RALGAPA2: variants seen among roughly 807,000 people sequenced by gnomAD.
The protein encoded by RALGAPA2 is Ral GTPase activating protein catalytic subunit alpha 2.
A neutral mutation model predicts 230.4 loss-of-function variants in RALGAPA2; 139 were observed. That is an observed-to-expected ratio of 0.60 (90% confidence interval 0.53 to 0.69). RALGAPA2 has a LOEUF of 0.69. Among genes scored for constraint, RALGAPA2 ranks in the 30% least tolerant of loss-of-function variants. The pLI is 0.00. For missense variants in RALGAPA2, 2,163 were observed against 2,276.0 expected (o/e 0.95, Z 1.01); for synonymous variants, 847 against 837.8 (o/e 1.01, Z -0.19).
chr20:20,535,310 C>T (rs1197086998), intron 26 of RALGAPA2, among the ~76,000 whole-genome samples: 1 of 152,172 alleles, frequency 6.6e-6, no homozygotes, highest in Non-Finnish European at 1.5e-5. Flanking sequence ...TCATAGGTTG[C>T]TAGCAACCTC....
At chr20:20,630,146 T>C (rs1215123803) in intron 9 of RALGAPA2, among the ~76,000 whole-genome samples, 1 of 152,158 alleles carries the variant, frequency 6.6e-6, no homozygotes, top group Non-Finnish European at 1.5e-5. Flanking sequence ...AAATAAATAT[T>C]CACAAAATTT....
chr20:20,575,651 C>G (rs761143325), intron 20 of RALGAPA2, among the ~76,000 whole-genome samples: 8 of 150,974 alleles, frequency 5.3e-5, no homozygotes, highest in Non-Finnish European at 7.5e-5. Context: ...CCCATCATCA[C>G]CTCCTACTTT....
At chr20:20,426,837 C>T (rs1461921882) in intron 37 of RALGAPA2, among the ~76,000 whole-genome samples, 26 of 152,354 alleles carry the variant, frequency 1.7e-4, no homozygotes, top group Non-Finnish European at 1.5e-4. Context: ...GATGCTGCAT[C>T]AACCAAAGAT....
chr20:20,670,702 C>A (rs1343740522), intron 3 of RALGAPA2, among the ~76,000 whole-genome samples: 2 of 151,144 alleles, frequency 1.3e-5, no homozygotes, highest in Admixed American at 1.3e-4. Flanking sequence ...AATCCCAGCA[C>A]TTTGTGAGGC....
rs972590005 is a variant in RALGAPA2 at position 20,584,762 on chromosome 20, A to G, written c.2530+103T>C. The G allele has an allele frequency of 1.1e-5, 10 of 931,508 alleles. No individual in the cohort carries two copies. The Admixed American group carries it at 1.5e-4, about 14-fold the overall frequency. The allele number at this position is 931,508 out of a possible 1,614,324, so 57.7% of individuals were successfully genotyped here. A position where few individuals can be genotyped will look rare whatever the true frequency, so the allele number is the denominator to read the frequency against. On this transcript the variant is annotated intron_variant, in intron 19 of 39. Transcript: ENST00000202677. ...TGCCAGAGCACTCCAGCCTGGGCGA[A>G]AGAGTGAGACTGAGTCTCTAATAAT...
At chr20:20,447,949 T>C (rs570291717) in intron 37 of RALGAPA2, among the ~76,000 whole-genome samples, 14 of 152,320 alleles carry the variant, frequency 9.2e-5, no homozygotes, top group African/African-American at 3.1e-4. Context: ...TCTGCCTTCC[T>C]TGTGCTCCAA....
chr20:20,524,429 G>C lies in RALGAPA2; in HGVS notation c.3877C>G (p.Pro1293Ala). The stretch of plus-strand genomic sequence containing the variant: ...ACCCTGTAGATATAATCCAGCAAGG[G>C]GGCTCTGGCCGAATGCTGCTCCTCT... ...VLEEQHSARAPLLDYIYRVLH... is the reference protein window; with the variant it reads ...VLEEQHSARAALLDYIYRVLH... The change falls in exon 30 of 40, where the codon CCC becomes GCC. Residue 1293 changes from proline to alanine, a missense_variant. Pro to Ala is a conservative substitution (Grantham distance 27). Coordinates refer to ENST00000202677, the MANE Select transcript of RALGAPA2 (RefSeq NM_020343.4). 1 of 1,613,828 alleles carries C rather than the reference G, an allele frequency of 6.2e-7. No homozygotes were observed.
chr20:20,583,201 A>C lies in RALGAPA2; in HGVS notation c.2556T>G (p.Thr852=). 6.2e-7 allele frequency: 1 copy of C among 1,610,356 alleles called. No individual in the cohort carries two copies. Among genetic ancestry groups the C allele is most frequent in the East Asian group, 2.2e-5 (1 of 44,836 alleles). Residue 852 remains threonine (T), a synonymous_variant, in exon 20 of 40, where the codon ACT becomes ACG. Coordinates refer to ENST00000202677, the MANE Select transcript of RALGAPA2 (RefSeq NM_020343.4). ...QKSESTNSDT[T]LGCTNEAELS... is the part of the protein sequence containing the mutation. ...GCTCTGCCTCATTGGTACAGCCCAGAGTTGTGTCACTGTTGGTACTTTCAC... is the reference window on the plus strand; with the variant it reads ...GCTCTGCCTCATTGGTACAGCCCAGCGTTGTGTCACTGTTGGTACTTTCAC...
intron 20 of RALGAPA2, among the ~76,000 whole-genome samples, chr20:20,575,546 T>C (rs1404590033): frequency 2.6e-5 from 4 of 151,882 alleles, no homozygotes; most frequent in African/African-American, 9.7e-5. Flanking sequence ...CCGCCTAATT[T>C]ACTTTCACCA....
chr20:20,459,267 A>C (rs1188854796), intron 37 of RALGAPA2, among the ~76,000 whole-genome samples: 2 of 152,178 alleles, frequency 1.3e-5, no homozygotes, highest in Non-Finnish European at 2.9e-5. Context: ...TGAATATAAA[A>C]TACTTCAGAT....
At chr20:20,547,147 T>G (rs184303526) in intron 23 of RALGAPA2, among the ~76,000 whole-genome samples, 2 of 152,284 alleles carry the variant, frequency 1.3e-5, no homozygotes, top group East Asian at 3.9e-4. Flanking sequence ...ATGAGGTAAA[T>G]ATGTAATTAA....
At chr20:20,664,759 C>T (rs1603223824) in intron 3 of RALGAPA2, among the ~76,000 whole-genome samples, 1 of 152,158 alleles carries the variant, frequency 6.6e-6, no homozygotes, top group Non-Finnish European at 1.5e-5. Context: ...AACAAAACCC[C>T]AGTGAGATGC....
chr20:20,692,889 GAGAA>G (rs1302376669), intron 1 of RALGAPA2, among the ~76,000 whole-genome samples: 2 of 152,130 alleles, frequency 1.3e-5, no homozygotes, highest in Non-Finnish European at 2.9e-5. Context: ...CTTTTTATAG[GAGAA>G]AGAAATTCTT....
chr20:20,482,777 G>A (rs1569435177), intron 36 of RALGAPA2, among the ~76,000 whole-genome samples: 2 of 152,200 alleles, frequency 1.3e-5, no homozygotes, highest in Admixed American at 6.5e-5. Flanking sequence ...GCCTAGACTG[G>A]ATTTGAGAAG....
intron 36 of RALGAPA2, among the ~76,000 whole-genome samples, chr20:20,491,008 A>T (rs2062040683): frequency 6.6e-6 from 1 of 152,068 alleles, no homozygotes; most frequent in African/African-American, 2.4e-5. Flanking sequence ...GCAGCTAGGA[A>T]CAAGAGGATC....
chr20:20,538,150 C>T (rs574561961), intron 24 of RALGAPA2, among the ~76,000 whole-genome samples: 1 of 152,194 alleles, frequency 6.6e-6, no homozygotes, highest in Non-Finnish European at 1.5e-5. Context: ...GAGCAACATA[C>T]TGAGGATAGC....
At position 20,513,242 on chromosome 20, in the gene RALGAPA2, C is replaced by T. The variant is rs370930436; in HGVS notation, c.4127G>A (p.Arg1376Gln). Residue 1376 changes from arginine to glutamine, a missense_variant, in exon 32 of 40, where the codon CGA becomes CAA. Arg to Gln is a conservative substitution (Grantham distance 43). Coordinates refer to ENST00000202677, the MANE Select transcript of RALGAPA2 (RefSeq NM_020343.4). ...RSLELIPLTA[R>Q]MVMAHLVNHL... ...GTTCACCAGGTGGGCCATCACCATTCGAGCAGTCAAAGGGATCAACTCCAA... is the reference window on the plus strand; with the variant it reads ...GTTCACCAGGTGGGCCATCACCATTTGAGCAGTCAAAGGGATCAACTCCAA... 7.6e-5 allele frequency: 115 copies of T among 1,504,518 alleles called. No homozygotes were observed. The highest frequency in any genetic ancestry group is 9.7e-5 in the Non-Finnish European group (109 of 1,128,508). 93.2% of individuals were successfully genotyped at this position (1,504,518 alleles called of 1,614,324 possible).
chr20:20,639,908 G>A lies in RALGAPA2; in HGVS notation c.551-8C>T, dbSNP rs772483467. 2 of 1,574,172 alleles carry A rather than the reference G, an allele frequency of 1.3e-6. No homozygotes were observed. Among genetic ancestry groups the A allele is most frequent in the African/African-American group, 2.7e-5 (2 of 73,984 alleles). ...CTTCTGGATATATCTTTACTGAAAG[G>A]ACAGAAAATGATGACAGCTCATTCA... On this transcript the variant is annotated splice_region_variant and splice_polypyrimidine_tract_variant and intron_variant, in intron 6 of 39. Coordinates refer to ENST00000202677, the MANE Select transcript of RALGAPA2 (RefSeq NM_020343.4).
chr20:20,685,914 G>A (rs1184281452), intron 1 of RALGAPA2, among the ~76,000 whole-genome samples: 1 of 152,096 alleles, frequency 6.6e-6, no homozygotes, highest in Non-Finnish European at 1.5e-5. Flanking sequence ...ACAGAACTCA[G>A]GGAAGCATGT....
Sources: gnomAD v4.1 joint callset for allele counts (sites outside exome capture counted in the v4.1 genomes callset) on GRCh38, gnomAD v4.1.1 for gene constraint, MANE v1.5 for transcripts, NCBI Gene and HGNC (gene_info 2026-07-23, HGNC 2026-07-21) for gene names.